KLHL1: variants seen among roughly 807,000 people sequenced by gnomAD.
KLHL1 encodes the protein kelch like family member 1.
Under a neutral mutation model 77.7 loss-of-function variants are expected in KLHL1, and 47 were observed. The ratio of observed to expected loss-of-function variants is 0.60; its 90% confidence interval spans 0.48 to 0.77. KLHL1 has a LOEUF of 0.77. Among genes scored for constraint, KLHL1 ranks in the 30% least tolerant of loss-of-function variants. The probability of loss-of-function intolerance (pLI) is 0.00; values close to 1 mark genes in which losing one functional copy is unlikely to be tolerated. For synonymous variants in KLHL1, 360 were observed against 325.2 expected, an observed-to-expected ratio of 1.11 and a Z score of -1.15; for missense variants, 925 against 910.8, an observed-to-expected ratio of 1.02 and a Z score of -0.20.
intron 4 of KLHL1, among the ~76,000 whole-genome samples, chr13:69,923,397 A>G (rs1382384876): frequency 6.6e-6 from 1 of 152,150 alleles, no homozygotes; most frequent in Non-Finnish European, 1.5e-5. Context: ...AGAGGTGGTA[A>G]TCTGTTTTGG....
chr13:69,901,299 A>G (rs904662825), intron 4 of KLHL1, among the ~76,000 whole-genome samples: 2 of 152,242 alleles, frequency 1.3e-5, no homozygotes, highest in African/African-American at 4.8e-5. Flanking sequence ...AATGTAACTA[A>G]TATTTATTTT....
intron 5 of KLHL1, among the ~76,000 whole-genome samples, chr13:69,875,618 C>A (rs545695064): frequency 1.3e-5 from 2 of 152,106 alleles, no homozygotes; most frequent in South Asian, 4.1e-4. Flanking sequence ...AATGTCCTTG[C>A]ATATCTTTTA....
chr13:69,870,352 AC>A (rs1441047093), intron 5 of KLHL1, among the ~76,000 whole-genome samples: 1 of 152,028 alleles, frequency 6.6e-6, no homozygotes. Flanking sequence ...TGAGGACAGC[AC>A]CCAGACATTC....
rs908068591 is a variant in KLHL1, at chr13:70,010,099, G to A, written c.498-34297C>T. ...CAAGGAAACAAGTGTAGCTAGAGTGGAAGAACAAAAGAGAGTGCAATAGAA... is the reference window on the plus strand; with the variant it reads ...CAAGGAAACAAGTGTAGCTAGAGTGAAAGAACAAAAGAGAGTGCAATAGAA... On this transcript the variant is annotated intron_variant, in intron 1 of 10. Transcript: ENST00000377844. Among the ~76,000 whole-genome samples the A allele has an allele frequency of 3.3e-5, 5 of 150,396 alleles. No individual in the cohort carries two copies. In the East Asian group the frequency reaches 9.7e-4, roughly 29 times the overall value.
intron 6 of KLHL1, among the ~76,000 whole-genome samples, chr13:69,805,484 AC>A (rs1877577568): frequency 6.6e-6 from 1 of 151,920 alleles, no homozygotes; most frequent in Non-Finnish European, 1.5e-5. Flanking sequence ...AAAAATTTTT[AC>A]CTTTAAAATC....
intron 1 of KLHL1, among the ~76,000 whole-genome samples, chr13:70,106,799 C>T (rs1411828363): frequency 2.0e-5 from 3 of 152,114 alleles, no homozygotes; most frequent in Non-Finnish European, 4.4e-5. Flanking sequence ...AAGTCAGTTA[C>T]TAGGCCAATA....
chr13:69,748,245 G>T (rs760132378), intron 7 of KLHL1, among the ~76,000 whole-genome samples: 3 of 151,934 alleles, frequency 2.0e-5, no homozygotes, highest in African/African-American at 7.2e-5. Context: ...CACTGTTGCC[G>T]CTTGTATCAG....
chr13:70,086,867 A>T (rs934573210), intron 1 of KLHL1, among the ~76,000 whole-genome samples: 2 of 152,142 alleles, frequency 1.3e-5, no homozygotes, highest in Non-Finnish European at 2.9e-5. Flanking sequence ...CTTTAACACC[A>T]GTGTCAGCAG....
At position 69,882,421 on chromosome 13, in the gene KLHL1, G is replaced by T. The variant is rs1881035429; in HGVS notation, c.1089C>A (p.Ala363=). ...CATCAGGAACATTGACATCATCACT[G>T]GCCAGTAGTTTATGGAGCTCCTCAG... ...LPAEELHKLL[A]SDDVNVPDEE... The change falls in exon 5 of 11, where the codon GCC becomes GCA. Residue 363 remains alanine, a synonymous_variant. Transcript: ENST00000377844. The T allele has an allele frequency of 1.2e-6, 2 of 1,613,602 alleles. No individual in the cohort carries two copies. Among genetic ancestry groups the T allele is most frequent in the Middle Eastern group, 1.6e-4 (1 of 6,062 alleles).
At chr13:69,820,320 A>G (rs1878282533) in intron 6 of KLHL1, among the ~76,000 whole-genome samples, 1 of 152,184 alleles carries the variant, frequency 6.6e-6, no homozygotes, top group Non-Finnish European at 1.5e-5. Context: ...GAGTAATTAC[A>G]TTAAGCAGAA....
intron 6 of KLHL1, among the ~76,000 whole-genome samples, chr13:69,800,378 G>T (rs1013627381): frequency 6.6e-6 from 1 of 152,002 alleles, no homozygotes; most frequent in Non-Finnish European, 1.5e-5. Context: ...GTGGAGGGAG[G>T]TGCATTATTC....
chr13:69,716,948 C>T (rs919841185), intron 9 of KLHL1, among the ~76,000 whole-genome samples: 1 of 152,066 alleles, frequency 6.6e-6, no homozygotes, highest in African/African-American at 2.4e-5. Context: ...GATGCTCTTA[C>T]TAGGGTGAGG....
At chr13:69,821,520 G>A (rs2138078560) in intron 6 of KLHL1, among the ~76,000 whole-genome samples, 1 of 152,056 alleles carries the variant, frequency 6.6e-6, no homozygotes, top group Non-Finnish European at 1.5e-5. Flanking sequence ...TCATCATGTT[G>A]GCCAGGCTGG....
intron 3 of KLHL1, among the ~76,000 whole-genome samples, chr13:69,957,676 T>G (rs1883934733): frequency 1.3e-5 from 2 of 151,814 alleles, no homozygotes; most frequent in South Asian, 4.1e-4. Flanking sequence ...ATATACAATC[T>G]GAATTCCAAC....
At chr13:69,826,219 G>A (rs1878541184) in intron 6 of KLHL1, among the ~76,000 whole-genome samples, 1 of 152,096 alleles carries the variant, frequency 6.6e-6, no homozygotes, top group African/African-American at 2.4e-5. Context: ...CAAAATTTTA[G>A]TCAGGAAAAA....
chr13:70,086,126 G>A (rs1887530358), intron 1 of KLHL1, among the ~76,000 whole-genome samples: 1 of 152,058 alleles, frequency 6.6e-6, no homozygotes, highest in South Asian at 2.1e-4. Context: ...CATACTGAGA[G>A]GCAGAAGTCT....
intron 1 of KLHL1, among the ~76,000 whole-genome samples, chr13:70,106,581 G>A (rs1212983136): frequency 6.6e-6 from 1 of 152,162 alleles, no homozygotes; most frequent in Non-Finnish European, 1.5e-5. Context: ...GGGACTCCAC[G>A]ACAGTTTAAC....
At chr13:69,916,631 C>G (rs773730262) in intron 4 of KLHL1, among the ~76,000 whole-genome samples, 1 of 151,728 alleles carries the variant, frequency 6.6e-6, no homozygotes, top group Non-Finnish European at 1.5e-5. Flanking sequence ...AGGAGATATA[C>G]GTAATGTTAA....
chr13:69,744,305 A>G (rs1294098586), intron 7 of KLHL1, among the ~76,000 whole-genome samples: 1 of 152,084 alleles, frequency 6.6e-6, no homozygotes, highest in East Asian at 1.9e-4. Context: ...TGGGCTTATC[A>G]TTGGCTTTCA....
Sources: gnomAD v4.1 joint callset for allele counts (sites outside exome capture counted in the v4.1 genomes callset) on GRCh38, gnomAD v4.1.1 for gene constraint, MANE v1.5 for transcripts, NCBI Gene and HGNC (gene_info 2026-07-23, HGNC 2026-07-21) for gene names.